Variants in CTNND1 observed in about 807,000 individuals in gnomAD.
The protein encoded by CTNND1 is catenin delta 1.
CTNND1 carries 16 observed loss-of-function variants against 112.1 expected under a neutral mutation model. The observed-to-expected ratio is 0.14, with a 90% CI of 0.10 to 0.22. The LOEUF is 0.22. Among genes scored for constraint, CTNND1 ranks in the 10% least tolerant of loss-of-function variants. The pLI is 1.00. For synonymous variants in CTNND1, 420 were observed against 446.5 expected (o/e 0.94, Z 0.75); for missense variants, 1,008 against 1,257.0 (o/e 0.80, Z 3.00).
At chr11:57,764,985 G>A (rs1299852406) in intron 1 of CTNND1, among the ~76,000 whole-genome samples, 4 of 152,168 alleles carry the variant, frequency 2.6e-5, no homozygotes. Flanking sequence ...TGCTAGAATG[G>A]ATATTATTTT....
chr11:57,771,936 C>CT (rs746241186), intron 1 of CTNND1, among the ~76,000 whole-genome samples: 125 of 143,936 alleles, frequency 8.7e-4, no homozygotes, highest in Middle Eastern at 3.7e-3. Flanking sequence ...TTTTCTTTTT[C>CT]TTTTTTTTTT....
In CTNND1 at chr11:57,815,390, C is replaced by A. The variant is rs1225519361; in HGVS notation, c.2702-4C>A. On this transcript the variant is annotated splice_polypyrimidine_tract_variant and splice_region_variant and intron_variant, in intron 18 of 20. Transcript: ENST00000399050. ...TTTCTGTGTACTTTTTTTTTTTTAA[C>A]CAGATAACAACTATTCCACACCAAA... The A allele has an allele frequency of 6.5e-7, 1 of 1,532,510 alleles. No individual in the cohort carries two copies. Among genetic ancestry groups the A allele is most frequent in the African/African-American group, 1.4e-5 (1 of 70,940 alleles). The allele number at this position is 1,532,510 out of a possible 1,614,324, so 94.9% of individuals were successfully genotyped here.
chr11:57,818,291 A>C lies in CTNND1; in HGVS notation c.*1983A>C, dbSNP rs2064081238. 1 of 151,530 alleles carries C rather than the reference A, an allele frequency of 6.6e-6. No homozygotes were observed. Among genetic ancestry groups the C allele is most frequent in the Non-Finnish European group, 1.5e-5 (1 of 67,818 alleles). The allele number at this position is 151,530 out of a possible 1,614,324, so 9.4% of individuals were successfully genotyped here. A position where few individuals can be genotyped will look rare whatever the true frequency, so the allele number is the denominator to read the frequency against. On this transcript the variant is annotated 3_prime_UTR_variant, in exon 21 of 21. Coordinates refer to ENST00000399050, the MANE Select transcript of CTNND1 (RefSeq NM_001085458.2). ...TCTCTTTTGTTTATAAAAAACACTA[A>C]ACATTCAATTCCAGAGAACCAAAAA... is the stretch of plus-strand genomic sequence containing the variant.
At chr11:57,813,608 C>T (rs1252362176) in intron 17 of CTNND1, among the ~76,000 whole-genome samples, 2 of 152,164 alleles carry the variant, frequency 1.3e-5, no homozygotes, top group African/African-American at 4.8e-5. Flanking sequence ...GAAACTACTA[C>T]TAATTAGTAT....
At chr11:57,772,692 G>T (rs1185269175) in intron 1 of CTNND1, among the ~76,000 whole-genome samples, 1 of 152,146 alleles carries the variant, frequency 6.6e-6, no homozygotes, top group African/African-American at 2.4e-5. Context: ...AAAGTAAAAG[G>T]ATATTTGATT....
intron 16 of CTNND1, among the ~76,000 whole-genome samples, 179 bp from the exon 17 acceptor site, chr11:57,811,220 C>G (rs200153879): frequency 2.0e-5 from 3 of 152,110 alleles, no homozygotes; most frequent in Non-Finnish European, 4.4e-5. Flanking sequence ...TTCTGGAACA[C>G]AAATAGAAGC....
rs759453121 is a variant in CTNND1 at position 57,815,375 on chromosome 11, CTT to C, written c.2702-8_2702-7del. Reference sequence around the variant, plus strand: ...GAGGGGAATGTCATATTTCTGTGTACTTTTTTTTTTTTAACCAGATAACAACT... The same window carrying C: ...GAGGGGAATGTCATATTTCTGTGTACTTTTTTTTTTAACCAGATAACAACT... On this transcript the variant is annotated splice_polypyrimidine_tract_variant and intron_variant, in intron 18 of 20. Transcript: ENST00000399050. The C allele has an allele frequency of 3.8e-4, 421 of 1,100,340 alleles. No individual in the cohort carries two copies. Among genetic ancestry groups the C allele is most frequent in the South Asian group, 5.4e-4 (33 of 61,630 alleles). The allele number at this position is 1,100,340 out of a possible 1,614,324, so 68.2% of individuals were successfully genotyped here.
chr11:57,773,144 G>A (rs533008623), intron 1 of CTNND1, among the ~76,000 whole-genome samples: 39 of 152,150 alleles, frequency 2.6e-4, no homozygotes, highest in Non-Finnish European at 3.4e-4. Context: ...TATATAGATG[G>A]TGTGAGATGT....
chr11:57,806,969 C>A lies in CTNND1; in HGVS notation c.1949C>A (p.Thr650Lys), dbSNP rs201906477. 1 of 1,599,476 alleles carries A rather than the reference C, an allele frequency of 6.3e-7. No individual in the cohort carries two copies. Among genetic ancestry groups the A allele is most frequent in the Admixed American group, 1.7e-5 (1 of 57,810 alleles). ...GATACAGTGGATTTCCCTAAAAGAACGAGTCCAGCTCGAGGTAAGTTATCT... is the reference window on the plus strand; with the variant it reads ...GATACAGTGGATTTCCCTAAAAGAAAGAGTCCAGCTCGAGGTAAGTTATCT... ...ANDTVDFPKR[T>K]SPARGYELLF... The change falls in exon 12 of 21, where the codon ACG (threonine) becomes AAG (lysine). Residue 650 changes from threonine to lysine, a missense_variant. Around this residue, in one of 5 missense-constraint regions of CTNND1, gnomAD observed 254 missense variants for 279.5 expected, o/e 0.91. Transcript: ENST00000399050.
intron 12 of CTNND1, 78 bp from the exon 13 acceptor site, chr11:57,808,087 A>G (rs2062934214): frequency 1.4e-6 from 2 of 1,473,118 alleles, no homozygotes; most frequent in Non-Finnish European, 1.9e-6. Context: ...GAGAGTACTA[A>G]GGCTGGACTC....
At position 57,803,659 on chromosome 11, in the gene CTNND1, A is replaced by G. The variant is rs2062296476; in HGVS notation, c.1459A>G (p.Met487Val). Residue 487 changes from methionine to valine, a missense_variant, in exon 8 of 21, where the codon ATG (methionine) becomes GTG (valine). Physicochemically the swap from Met to Val is conservative, Grantham distance 21. Coordinates refer to ENST00000399050, the MANE Select transcript of CTNND1 (RefSeq NM_001085458.2). ...TCTTTCATCCCATGACTCAATCAAAATGGAGATTGTGGACCATGCACTGCA... is the reference window on the plus strand; with the variant it reads ...TCTTTCATCCCATGACTCAATCAAAGTGGAGATTGTGGACCATGCACTGCA... Reference protein sequence around the residue: ...WNLSSHDSIKMEIVDHALHAL... With the variant: ...WNLSSHDSIKVEIVDHALHAL... 6 of 1,612,686 alleles carry G rather than the reference A, an allele frequency of 3.7e-6. No individual in the cohort carries two copies. In the East Asian group the frequency reaches 1.3e-4, roughly 36 times the overall value.
chr11:57,816,334 C>T lies in CTNND1; in HGVS notation c.*26C>T. 1 of 1,612,504 alleles carries T rather than the reference C, an allele frequency of 6.2e-7. No individual in the cohort carries two copies. On this transcript the variant is annotated 3_prime_UTR_variant, in exon 21 of 21. Transcript: ENST00000399050. ...CACCACTATCTCCGTTCCATCTGGG[C>T]TTATATGTACTTTTATTTTTTGGTG...
intron 3 of CTNND1, among the ~76,000 whole-genome samples, chr11:57,791,954 G>A (rs566126438): frequency 8.5e-5 from 13 of 152,222 alleles, no homozygotes; most frequent in Middle Eastern, 3.4e-3. Flanking sequence ...ATGGTAGATA[G>A]TTTAGTTTGC....
At chr11:57,797,258 T>G (rs1330895165) in intron 6 of CTNND1, among the ~76,000 whole-genome samples, 1 of 148,744 alleles carries the variant, frequency 6.7e-6, no homozygotes, top group African/African-American at 2.4e-5. Flanking sequence ...TGAGACAGAG[T>G]CTTGCTCTTT....
intron 1 of CTNND1, among the ~76,000 whole-genome samples, chr11:57,783,003 T>TAA (rs2059740006): frequency 6.6e-6 from 1 of 152,140 alleles, no homozygotes; most frequent in African/African-American, 2.4e-5. Context: ...AGGTGGAACA[T>TAA]GGTTGGGCAT....
chr11:57,799,010 C>G (rs1029593640), intron 6 of CTNND1, among the ~76,000 whole-genome samples: 1 of 152,188 alleles, frequency 6.6e-6, no homozygotes, highest in Non-Finnish European at 1.5e-5. Flanking sequence ...CTGAATTTCT[C>G]TATATGGGGT....
intron 17 of CTNND1, among the ~76,000 whole-genome samples, chr11:57,812,900 T>C (rs2063536179): frequency 1.3e-5 from 2 of 152,224 alleles, no homozygotes; most frequent in Admixed American, 6.5e-5. Context: ...GCAGACATTT[T>C]CTCAAAAACG....
intron 1 of CTNND1, among the ~76,000 whole-genome samples, chr11:57,766,089 C>T (rs944755706): frequency 3.9e-5 from 6 of 152,028 alleles, no homozygotes; most frequent in Admixed American, 3.3e-4. Context: ...GCTTGCAGAG[C>T]CAGATCCTAT....
chr11:57,781,506 C>T (rs1185083787), intron 1 of CTNND1: 2 of 152,216 alleles, frequency 1.3e-5, no homozygotes, highest in Non-Finnish European at 2.9e-5. Context: ...TGGCCTCTCC[C>T]CTTCCTTTAG....
Sources: allele counts gnomAD v4.1 joint callset (sites outside exome capture counted in the v4.1 genomes callset), GRCh38; gene constraint gnomAD v4.1.1; regional missense constraint gnomAD v4.1.1; transcripts MANE v1.5; gene names NCBI Gene and HGNC (gene_info 2026-07-23, HGNC 2026-07-21).